Variants in UBR2 observed in about 807,000 individuals in gnomAD.
The protein encoded by UBR2 is ubiquitin protein ligase E3 component n-recognin 2.
A neutral mutation model predicts 247.9 loss-of-function variants in UBR2; 92 were observed. The ratio of observed to expected loss-of-function variants is 0.37; its 90% CI spans 0.31 to 0.44. UBR2 has a LOEUF of 0.44. UBR2 is among the 20% of genes least tolerant of loss of function. UBR2 has a pLI of 1.00. For missense variants in UBR2, 1,613 were observed against 2,112.6 expected, an observed-to-expected ratio of 0.76 and a Z score of 4.64; for synonymous variants, 672 against 693.5, an observed-to-expected ratio of 0.97 and a Z score of 0.49.
intron 4 of UBR2, 117 bp from the exon 5 acceptor site, chr6:42,603,471 A>G: frequency 1.0e-6 from 1 of 987,640 alleles, no homozygotes; most frequent in Non-Finnish European, 1.4e-6. Flanking sequence ...GAGAAGCTGA[A>G]GCTGGAAGAC....
intron 2 of UBR2, among the ~76,000 whole-genome samples, chr6:42,590,245 C>T (rs1454441993): frequency 6.6e-6 from 1 of 152,172 alleles, no homozygotes; most frequent in Non-Finnish European, 1.5e-5. Context: ...TTAGACAAAT[C>T]ACTAAGATCT....
At chr6:42,614,050 G>A (rs1794259205) in intron 8 of UBR2, among the ~76,000 whole-genome samples, 3 of 150,750 alleles carry the variant, frequency 2.0e-5, no homozygotes, top group Admixed American at 2.0e-4. Flanking sequence ...GGTGGTGCAT[G>A]CCTGTAATCC....
At chr6:42,614,217 T>TACACAC (rs576036792) in intron 8 of UBR2, among the ~76,000 whole-genome samples, 1 of 61,876 alleles carries the variant, frequency 1.6e-5, no homozygotes, top group African/African-American at 5.8e-5. Flanking sequence ...TATATATATA[T>TACACAC]ACACACACAC....
intron 2 of UBR2, among the ~76,000 whole-genome samples, chr6:42,581,940 A>G (rs951710301): frequency 2.0e-5 from 3 of 152,192 alleles, no homozygotes; most frequent in African/African-American, 7.2e-5. Flanking sequence ...TGTGTTTTAT[A>G]TACCAAATAA....
At chr6:42,618,288 A>G (rs1466782627) in intron 11 of UBR2, among the ~76,000 whole-genome samples, 1 of 152,160 alleles carries the variant, frequency 6.6e-6, no homozygotes, top group Admixed American at 6.5e-5. Context: ...GGTCCATACA[A>G]AGGAATGAGC....
At chr6:42,668,946 A>G (rs1798274821) in intron 34 of UBR2, among the ~76,000 whole-genome samples, 1 of 150,620 alleles carries the variant, frequency 6.6e-6, no homozygotes, top group African/African-American at 2.4e-5. Context: ...TTTTTGAGAC[A>G]GAGTGTTGTT....
intron 44 of UBR2, among the ~76,000 whole-genome samples, chr6:42,686,089 A>C (rs964921723): frequency 6.6e-6 from 1 of 150,922 alleles, no homozygotes; most frequent in Non-Finnish European, 1.5e-5. Flanking sequence ...TTTTTTTTTA[A>C]TTAGTATTTA....
intron 2 of UBR2, among the ~76,000 whole-genome samples, chr6:42,586,303 C>T (rs1057101381): frequency 1.3e-5 from 2 of 151,892 alleles, no homozygotes; most frequent in Non-Finnish European, 2.9e-5. Flanking sequence ...GAGGTTGCAG[C>T]GAGTTGAGAT....
At chr6:42,679,093 GAATT>G (rs1372156388) in intron 41 of UBR2, among the ~76,000 whole-genome samples, 1 of 152,126 alleles carries the variant, frequency 6.6e-6, no homozygotes, top group African/African-American at 2.4e-5. Context: ...TTTAATCTGG[GAATT>G]GATTTGCTCT....
chr6:42,607,176 C>CT lies in UBR2; in HGVS notation c.864+539dup, dbSNP rs55637503. The stretch of plus-strand genomic sequence containing the variant: ...TATTCTTTTTAAAAAATAATTTTAT[C>CT]TTTTTTTTTTTTTTCCGAATAGTCT... On this transcript the variant is annotated intron_variant, in intron 7 of 46. Coordinates refer to ENST00000372901, the MANE Select transcript of UBR2 (RefSeq NM_001363705.2). Among the ~76,000 whole-genome samples the CT allele has an allele frequency of 5.7e-3, 826 of 143,978 alleles. 4 individuals carry two copies. Among genetic ancestry groups the CT allele is most frequent in the African/African-American group, 0.018 (709 of 39,464 alleles). 94.5% of individuals were successfully genotyped at this position (143,978 alleles called of 152,430 possible). A position where few individuals can be genotyped will look rare whatever the true frequency, so the allele number is the denominator to read the frequency against.
intron 44 of UBR2, 139 bp downstream of exon 44, chr6:42,685,010 A>G: frequency 3.0e-6 from 2 of 660,782 alleles, no homozygotes; most frequent in Non-Finnish European, 4.7e-6. Context: ...GAGGGAGAAA[A>G]AAGGAAAAAA....
intron 2 of UBR2, among the ~76,000 whole-genome samples, chr6:42,578,903 C>T (rs539230390): frequency 2.0e-5 from 3 of 151,932 alleles, no homozygotes; most frequent in Non-Finnish European, 4.4e-5. Flanking sequence ...AGGGAGGTTG[C>T]GGTGAGCCGA....
In UBR2 at chr6:42,679,812, A is replaced by C. The variant is rs1798925384; in HGVS notation, c.4698A>C (p.Ile1566=). The C allele has an allele frequency of 1.2e-6, 2 of 1,608,014 alleles. No homozygotes were observed. Among genetic ancestry groups the C allele is most frequent in the East Asian group, 4.5e-5 (2 of 44,846 alleles). Residue 1566 remains isoleucine (I), a synonymous_variant, in exon 42 of 47, where the codon ATA becomes ATC. Coordinates refer to ENST00000372901, the MANE Select transcript of UBR2 (RefSeq NM_001363705.2). The part of the protein sequence containing the change: ...LICLFQENSE[I]MNSLIESWCR... ...GCCTTTTTCAAGAAAATAGTGAGAT[A>C]ATGAATTCACTGATTGAAAGGTAAT...
chr6:42,654,152 T>C (rs1797293865), intron 25 of UBR2, among the ~76,000 whole-genome samples: 1 of 152,180 alleles, frequency 6.6e-6, no homozygotes, highest in Non-Finnish European at 1.5e-5. Flanking sequence ...TGTATTCTTA[T>C]AATGCCCTCC....
chr6:42,608,132 A>G (rs1793835333), intron 7 of UBR2, among the ~76,000 whole-genome samples: 1 of 152,118 alleles, frequency 6.6e-6, no homozygotes, highest in African/African-American at 2.4e-5. Context: ...CATAGATACA[A>G]AAGTTTCCCT....
Position 42,689,593 on chromosome 6 carries a change from T to G in UBR2, c.5049T>G (p.Phe1683Leu). 6.2e-7 allele frequency: 1 copy of G among 1,614,146 alleles called. No homozygotes were observed. Among genetic ancestry groups the G allele is most frequent in the Non-Finnish European group, 8.5e-7 (1 of 1,180,006 alleles). ...FLRVRECQVL[F>L]LAGKTKGCFY... The stretch of plus-strand genomic sequence containing the variant: ...GAGTACGGGAATGTCAGGTGCTATT[T>G]TTAGCTGGCAAAACCAAAGGCTGTT... The change falls in exon 46 of 47, where the codon TTT becomes TTG. Residue 1683 changes from phenylalanine to leucine, a missense_variant. Phe to Leu is a conservative substitution (Grantham distance 22). Transcript: ENST00000372901. This position sits in a 1 kb window ranked among gnomAD's most constrained non-coding sequence, Gnocchi z 4.0.
intron 18 of UBR2, among the ~76,000 whole-genome samples, chr6:42,642,765 A>G (rs760798632): frequency 1.3e-5 from 2 of 152,154 alleles, no homozygotes; most frequent in Non-Finnish European, 2.9e-5. Flanking sequence ...CAGTCTACCT[A>G]GTTGCTAAAG....
intron 30 of UBR2, among the ~76,000 whole-genome samples, chr6:42,661,648 C>T (rs186206079): frequency 3.4e-4 from 52 of 152,162 alleles, no homozygotes; most frequent in African/African-American, 1.1e-3. Flanking sequence ...CTTTTTTCCC[C>T]CCATCTGATC....
chr6:42,686,132 G>C (rs529287438), intron 44 of UBR2, among the ~76,000 whole-genome samples: 2 of 151,764 alleles, frequency 1.3e-5, no homozygotes, highest in Non-Finnish European at 2.9e-5. Flanking sequence ...CGGAGGGGGG[G>C]ATTTGGCAGG....
Sources: gnomAD v4.1 joint callset for allele counts (sites outside exome capture counted in the v4.1 genomes callset) on GRCh38, gnomAD v4.1.1 for gene constraint, Gnocchi (gnomAD v3.1) non-coding constraint, MANE v1.5 for transcripts, NCBI Gene and HGNC (gene_info 2026-07-23, HGNC 2026-07-21) for gene names.